The following STAT3 variants were observed in gnomAD, a reference collection of about 807,000 sequenced individuals.
The protein encoded by STAT3 is DNA-binding protein APRF.
STAT3 carries 7 observed loss-of-function variants against 114.3 expected under a neutral mutation model. That is an observed-to-expected ratio of 0.06 (90% CI 0.03 to 0.11). The LOEUF (loss-of-function observed/expected upper bound fraction) is 0.11. Among genes scored for constraint, STAT3 ranks in the 10% least tolerant of loss-of-function variants. The pLI is 1.00. For missense variants in STAT3, 364 were observed against 960.9 expected (o/e 0.38, Z 8.21); for synonymous variants, 331 against 354.5 (o/e 0.93, Z 0.74).
In STAT3 at chr17:42,314,005, G is replaced by A. The variant is rs965539927; in HGVS notation, c.*1740C>T. The stretch of plus-strand genomic sequence containing the variant: ...AAGGTGGTTTTGAGTTGCCAAATCC[G>A]GCCATGCCTCTGAGTCAGAGGCAGC... On this transcript the variant is annotated 3_prime_UTR_variant, in exon 24 of 24. Transcript: ENST00000264657. 13 of 230,658 alleles carry A rather than the reference G, an allele frequency of 5.6e-5. No homozygotes were observed. The highest frequency in any genetic ancestry group is 2.3e-4 in the Admixed American group (4 of 17,674). 14.3% of individuals were successfully genotyped at this position (230,658 alleles called of 1,614,324 possible).
rs941651194 is a variant in STAT3, at chr17:42,362,916, C to T, written c.-23-14377G>A. ...CTCCTGCCTGCCACTGGCCCTCACA[C>T]ATGCCTTCCTTCTATCACCATCACC... On this transcript the variant is annotated intron_variant, in intron 1 of 23. Transcript: ENST00000264657. Among the ~76,000 whole-genome samples, 8 of 152,344 alleles carry T rather than the reference C, an allele frequency of 5.3e-5. No individual in the cohort carries two copies. In the South Asian group the frequency reaches 1.7e-3, roughly 32 times the overall value.
chr17:42,356,540 T>TATATA (rs60663311), intron 1 of STAT3, among the ~76,000 whole-genome samples: 31 of 118,884 alleles, frequency 2.6e-4, no homozygotes, highest in South Asian at 1.0e-3. Flanking sequence ...TATATATATA[T>TATATA]TTTTTTTTTT....
At chr17:42,362,989 C>A (rs572473369) in intron 1 of STAT3, among the ~76,000 whole-genome samples, 2 of 152,334 alleles carry the variant, frequency 1.3e-5, no homozygotes, top group African/African-American at 2.4e-5. Flanking sequence ...GACTCATAAC[C>A]ACTATGCTGG....
intron 1 of STAT3, among the ~76,000 whole-genome samples, chr17:42,369,506 A>C (rs549836692): frequency 6.6e-6 from 1 of 152,280 alleles, no homozygotes; most frequent in East Asian, 1.9e-4. Context: ...GCTATTGTGA[A>C]TAGTGCTGCA....
chr17:42,365,462 G>A (rs371780699), intron 1 of STAT3, among the ~76,000 whole-genome samples: 20 of 152,136 alleles, frequency 1.3e-4, no homozygotes, highest in Middle Eastern at 3.4e-3. Flanking sequence ...CGGCATCTTC[G>A]AACATAGTCA....
Position 42,345,687 on chromosome 17 carries a change from T to A in STAT3, c.274-30A>T, listed in dbSNP as rs1263159421. ...AAGTAGGAGAGAAAGAGAATAAAAATCAGCAGCAGACCATGGAGATGTGGA... is the reference window on the plus strand; with the variant it reads ...AAGTAGGAGAGAAAGAGAATAAAAAACAGCAGCAGACCATGGAGATGTGGA... On this transcript the variant is annotated intron_variant, in intron 3 of 23. Coordinates refer to ENST00000264657, the MANE Select transcript of STAT3 (RefSeq NM_139276.3). 5 of 1,561,562 alleles carry A rather than the reference T, an allele frequency of 3.2e-6. No homozygotes were observed. The South Asian group carries it at 4.6e-5, about 14-fold the overall frequency.
At chr17:42,323,799 A>G (rs1461243506) in intron 17 of STAT3, among the ~76,000 whole-genome samples, 174 bp from the exon 18 acceptor site, 1 of 152,160 alleles carries the variant, frequency 6.6e-6, no homozygotes, top group Non-Finnish European at 1.5e-5. Context: ...ACACTATCCC[A>G]TCATTTGACT....
At chr17:42,342,361 T>TA (rs1216273037) in intron 4 of STAT3, among the ~76,000 whole-genome samples, 1 of 152,050 alleles carries the variant, frequency 6.6e-6, no homozygotes, top group Admixed American at 6.6e-5. Context: ...CTCATGCCTG[T>TA]AATCCCAGCT....
intron 1 of STAT3, among the ~76,000 whole-genome samples, chr17:42,384,952 T>C (rs549104872): frequency 2.2e-4 from 34 of 152,306 alleles, no homozygotes; most frequent in African/African-American, 7.5e-4. Context: ...TAACCTCTCC[T>C]TTCTCTGAAG....
intron 4 of STAT3, among the ~76,000 whole-genome samples, chr17:42,342,301 G>A (rs1193415025): frequency 1.3e-5 from 2 of 152,024 alleles, no homozygotes; most frequent in African/African-American, 2.4e-5. Flanking sequence ...TGGCCAATAT[G>A]GTGAAACCCT....
rs1787767509 is a variant in STAT3, at chr17:42,324,169, A to G, written c.1600+542T>C. On this transcript the variant is annotated intron_variant, in intron 17 of 23. Coordinates refer to ENST00000264657, the MANE Select transcript of STAT3 (RefSeq NM_139276.3). This position sits in a 1 kb window ranked among gnomAD's most constrained non-coding sequence, Gnocchi z 4.5. Reference sequence around the variant, plus strand: ...CCCCGTCTCTACTAAAAATACAAAAATTAGCTGGGCGTGGTGGTGAGCACC... The same window carrying G: ...CCCCGTCTCTACTAAAAATACAAAAGTTAGCTGGGCGTGGTGGTGAGCACC... Among the ~76,000 whole-genome samples the G allele has an allele frequency of 6.6e-6, 1 of 152,084 alleles. No homozygotes were observed. Among genetic ancestry groups the G allele is most frequent in the African/African-American group, 2.4e-5 (1 of 41,404 alleles).
chr17:42,328,461 G>A (rs187436059), intron 14 of STAT3, among the ~76,000 whole-genome samples: 121 of 152,298 alleles, frequency 7.9e-4, no homozygotes, highest in African/African-American at 2.8e-3. Flanking sequence ...AGGCTAGAGT[G>A]CAGTGGCAAA....
Position 42,330,257 on chromosome 17 carries a change from C to T in STAT3, c.1110-481G>A, listed in dbSNP as rs566168118. Among the ~76,000 whole-genome samples, 16 of 151,264 alleles carry T rather than the reference C, an allele frequency of 1.1e-4. No homozygotes were observed. The East Asian group carries it at 1.8e-3, about 17-fold the overall frequency. ...TCAGCCTCCCGTGTAGCTGGGATTA[C>T]GGGCATGCGCCAACACACCTGGCTA... On this transcript the variant is annotated intron_variant, in intron 11 of 23. Coordinates refer to ENST00000264657, the MANE Select transcript of STAT3 (RefSeq NM_139276.3).
Position 42,375,846 on chromosome 17 carries a change from A to G in STAT3, c.-24+12433T>C, listed in dbSNP as rs183205353. Among the ~76,000 whole-genome samples, 623 of 151,050 alleles carry G rather than the reference A, an allele frequency of 4.1e-3. 4 individuals are homozygous for G. Among genetic ancestry groups the G allele is most frequent in the African/African-American group, 0.015 (599 of 41,128 alleles). ...CTCCATCTCAAAAAAAAAAAAGAAAAAGAAAGAAAGAAAAGAAATAATAGA... is the reference window on the plus strand; with the variant it reads ...CTCCATCTCAAAAAAAAAAAAGAAAGAGAAAGAAAGAAAAGAAATAATAGA... On this transcript the variant is annotated intron_variant, in intron 1 of 23. Transcript: ENST00000264657.
intron 15 of STAT3, among the ~76,000 whole-genome samples, chr17:42,325,410 G>A (rs763789846): frequency 6.6e-6 from 1 of 152,074 alleles, no homozygotes; most frequent in Non-Finnish European, 1.5e-5. Context: ...GGAGGTCTCA[G>A]GAATCAAAGA....
chr17:42,346,286 T>A (rs147639946), intron 3 of STAT3, among the ~76,000 whole-genome samples: 1 of 152,214 alleles, frequency 6.6e-6, no homozygotes, highest in African/African-American at 2.4e-5. Context: ...ACAGTGAGAG[T>A]CATCTTCCTA....
At chr17:42,326,082 C>CGCTA (rs1409867575) in intron 15 of STAT3, 34 bp downstream of exon 15, 17 of 1,595,798 alleles carry the variant, frequency 1.1e-5, no homozygotes, top group Non-Finnish European at 1.4e-5. Flanking sequence ...CACCCCTGTA[C>CGCTA]GTAGCCTCTC....
intron 1 of STAT3, among the ~76,000 whole-genome samples, chr17:42,379,379 C>A (rs1336111819): frequency 1.3e-5 from 2 of 152,160 alleles, no homozygotes; most frequent in East Asian, 1.9e-4. Context: ...GTTCTGAATA[C>A]AGATTAGTTT....
intron 3 of STAT3, among the ~76,000 whole-genome samples, chr17:42,346,200 A>G (rs2144987311): frequency 6.6e-6 from 1 of 152,252 alleles, no homozygotes; most frequent in South Asian, 2.1e-4. Context: ...TTTACACAGT[A>G]TACTATCCTG....
Sources: allele counts gnomAD v4.1 joint callset (sites outside exome capture counted in the v4.1 genomes callset), GRCh38; gene constraint gnomAD v4.1.1; non-coding constraint Gnocchi (gnomAD v3.1); transcripts MANE v1.5; gene names NCBI Gene and HGNC (gene_info 2026-07-23, HGNC 2026-07-21).